IQCJ: variants seen among roughly 807,000 people sequenced by gnomAD.
The protein encoded by IQCJ is IQ motif containing J.
IQCJ carries 9 observed loss-of-function variants against 11.0 expected under a neutral mutation model. The ratio of observed to expected loss-of-function variants is 0.82; its 90% CI spans 0.49 to 1.43. The LOEUF is 1.43. Ranked by LOEUF, IQCJ falls within the 40% of genes most tolerant of loss-of-function variation. IQCJ has a pLI of 0.00. For missense variants in IQCJ, 146 were observed against 133.2 expected, an observed-to-expected ratio of 1.10 and a Z score of -0.47; for synonymous variants, 55 against 51.3, an observed-to-expected ratio of 1.07 and a Z score of -0.31.
chr3:159,166,207 C>G (rs145633196), intron 1 of IQCJ, among the ~76,000 whole-genome samples: 2 of 152,134 alleles, frequency 1.3e-5, no homozygotes, highest in East Asian at 3.9e-4. Context: ...AATTAGATAA[C>G]TCTTCATCCA....
chr3:159,245,060 G>T (rs985223072), intron 1 of IQCJ, among the ~76,000 whole-genome samples: 2 of 152,118 alleles, frequency 1.3e-5, no homozygotes, highest in South Asian at 4.1e-4. Flanking sequence ...ACACCTCTGT[G>T]GCCAGAGAAA....
intron 1 of IQCJ, among the ~76,000 whole-genome samples, chr3:159,242,459 G>A (rs746406536): frequency 6.6e-5 from 10 of 151,802 alleles, no homozygotes; most frequent in Non-Finnish European, 1.0e-4. Flanking sequence ...TTTAATGTGT[G>A]GTTTTCCTCC....
intron 1 of IQCJ, among the ~76,000 whole-genome samples, chr3:159,133,862 A>G (rs1577030492): frequency 6.6e-6 from 1 of 151,910 alleles, no homozygotes; most frequent in East Asian, 2.0e-4. Context: ...ACAATTTACT[A>G]TCTCATTATT....
chr3:159,197,363 C>T (rs1331910871), intron 1 of IQCJ, among the ~76,000 whole-genome samples: 3 of 152,170 alleles, frequency 2.0e-5, no homozygotes, highest in Non-Finnish European at 4.4e-5. Context: ...CTAATTCAAA[C>T]CTCCATTCCC....
chr3:159,127,810 A>T (rs1410547242), intron 1 of IQCJ, among the ~76,000 whole-genome samples: 1 of 152,240 alleles, frequency 6.6e-6, no homozygotes, highest in African/African-American at 2.4e-5. Flanking sequence ...ATGACACTTA[A>T]TTAAAAATCA....
intron 1 of IQCJ, among the ~76,000 whole-genome samples, chr3:159,194,400 G>T (rs1723862091): frequency 6.6e-6 from 1 of 152,150 alleles, no homozygotes; most frequent in Non-Finnish European, 1.5e-5. Context: ...TTCGCCATTT[G>T]CTATGATAAT....
intron 1 of IQCJ, among the ~76,000 whole-genome samples, chr3:159,232,489 C>A (rs1726321533): frequency 7.4e-6 from 1 of 134,772 alleles, no homozygotes; most frequent in African/African-American, 2.7e-5. Flanking sequence ...TGGAGTCTCC[C>A]TGTGTCACCC....
chr3:159,242,896 A>T (rs556666332), intron 1 of IQCJ, among the ~76,000 whole-genome samples: 43 of 152,322 alleles, frequency 2.8e-4, no homozygotes, highest in African/African-American at 9.9e-4. Context: ...AAATATTAGC[A>T]ACACATACAT....
intron 1 of IQCJ, among the ~76,000 whole-genome samples, chr3:159,140,706 C>G (rs1720553276): frequency 6.6e-6 from 1 of 152,168 alleles, no homozygotes; most frequent in African/African-American, 2.4e-5. Context: ...AATCATTAGG[C>G]ATGTTGTTCT....
intron 1 of IQCJ, among the ~76,000 whole-genome samples, chr3:159,183,881 C>A (rs1460874172): frequency 6.6e-6 from 1 of 151,970 alleles, no homozygotes; most frequent in Non-Finnish European, 1.5e-5. Context: ...TTTCTTGAAT[C>A]CATCTATGTA....
At chr3:159,161,106 C>T (rs1035050829) in intron 1 of IQCJ, among the ~76,000 whole-genome samples, 4 of 152,190 alleles carry the variant, frequency 2.6e-5, no homozygotes, top group Non-Finnish European at 5.9e-5. Context: ...GGAATCGCCA[C>T]ATCCACTTCC....
intron 1 of IQCJ, among the ~76,000 whole-genome samples, chr3:159,093,836 C>G (rs1717521874): frequency 1.3e-5 from 2 of 151,804 alleles, no homozygotes; most frequent in South Asian, 4.1e-4. Context: ...ACCATCAGAT[C>G]TCCTGAGAAC....
intron 1 of IQCJ, among the ~76,000 whole-genome samples, chr3:159,083,072 C>A (rs1380616777): frequency 6.6e-6 from 1 of 152,068 alleles, no homozygotes; most frequent in African/African-American, 2.4e-5. Flanking sequence ...AAACTTGTCA[C>A]CAAAAGCACT....
At chr3:159,084,180 T>C (rs556186216) in intron 1 of IQCJ, among the ~76,000 whole-genome samples, 37 of 151,652 alleles carry the variant, frequency 2.4e-4, no homozygotes, top group African/African-American at 8.0e-4. Context: ...AGAGAAAGAG[T>C]ATACAAGATT....
chr3:159,152,312 A>G (rs1193645445), intron 1 of IQCJ, among the ~76,000 whole-genome samples: 1 of 152,148 alleles, frequency 6.6e-6, no homozygotes, highest in Non-Finnish European at 1.5e-5. Context: ...TATTGAGCTG[A>G]AAAAGGCTGT....
At chr3:159,242,995 A>C (rs1480140643) in intron 1 of IQCJ, among the ~76,000 whole-genome samples, 2 of 152,156 alleles carry the variant, frequency 1.3e-5, no homozygotes, top group Non-Finnish European at 2.9e-5. Flanking sequence ...CAAATGCAAA[A>C]AATACTCAAC....
chr3:159,094,089 C>A (rs147759081), intron 1 of IQCJ, among the ~76,000 whole-genome samples: 1 of 151,758 alleles, frequency 6.6e-6, no homozygotes, highest in African/African-American at 2.4e-5. Flanking sequence ...AGCTTTTTCT[C>A]CTTTACATGT....
chr3:159,091,947 A>T (rs540842291), intron 1 of IQCJ, among the ~76,000 whole-genome samples: 1 of 151,988 alleles, frequency 6.6e-6, no homozygotes, highest in South Asian at 2.1e-4. Flanking sequence ...CTATTTTGAA[A>T]TTTCTAATAA....
At chr3:159,091,532 C>G (rs530678062) in intron 1 of IQCJ, among the ~76,000 whole-genome samples, 1 of 151,684 alleles carries the variant, frequency 6.6e-6, no homozygotes, top group South Asian at 2.1e-4. Context: ...AATATCATCA[C>G]CTTGGGGATT....
Sources: gnomAD v4.1 joint callset for allele counts (sites outside exome capture counted in the v4.1 genomes callset) on GRCh38, gnomAD v4.1.1 for gene constraint, MANE v1.5 for transcripts, NCBI Gene and HGNC (gene_info 2026-07-23, HGNC 2026-07-21) for gene names.